Variants in KCNJ3 observed in about 807,000 individuals in gnomAD.
KCNJ3 encodes the protein potassium inwardly rectifying channel subfamily J member 3, also known as G protein-activated inward rectifier potassium channel 1.
In KCNJ3, 4 loss-of-function variants were observed where a neutral mutation model predicts 39.2. That is an observed-to-expected ratio of 0.10 (90% CI 0.05 to 0.23). The LOEUF is 0.23. KCNJ3 is among the 10% of genes least tolerant of loss of function. KCNJ3 has a pLI of 1.00. For synonymous variants in KCNJ3, 230 were observed against 237.4 expected (o/e 0.97, Z 0.29); for missense variants, 276 against 634.9 (o/e 0.43, Z 6.08).
chr2:154,747,375 A>T (rs1685766268), intron 2 of KCNJ3, among the ~76,000 whole-genome samples: 1 of 152,050 alleles, frequency 6.6e-6, no homozygotes, highest in Non-Finnish European at 1.5e-5. Context: ...TTTAATTAAC[A>T]TTCTACTTCA....
chr2:154,741,231 C>T (rs1685649637), intron 2 of KCNJ3, among the ~76,000 whole-genome samples: 1 of 151,886 alleles, frequency 6.6e-6, no homozygotes, highest in South Asian at 2.1e-4. Context: ...TTCAAAGTCA[C>T]ACAGCTAGTT....
At chr2:154,809,206 A>G (rs958874038) in intron 2 of KCNJ3, among the ~76,000 whole-genome samples, 2 of 152,170 alleles carry the variant, frequency 1.3e-5, no homozygotes, top group African/African-American at 4.8e-5. Flanking sequence ...TGCATAGCAG[A>G]GGAAAGGCAA....
chr2:154,761,850 C>T (rs984278589), intron 2 of KCNJ3, among the ~76,000 whole-genome samples: 4 of 152,050 alleles, frequency 2.6e-5, no homozygotes, highest in Non-Finnish European at 5.9e-5. Flanking sequence ...ATGTCCAGGT[C>T]GTAATCCTCA....
rs71422263 is a variant in KCNJ3 at position 154,821,635 on chromosome 2, A to ATT, written c.920-33069_920-33068dup. ...CAAAAAAAGAAAAAGAGAATATGTG[A>ATT]TTTTTTTTTTTTTTTTTTTTTTTTG... On this transcript the variant is annotated intron_variant, in intron 2 of 2. Coordinates refer to ENST00000295101, the MANE Select transcript of KCNJ3 (RefSeq NM_002239.4). Among the ~76,000 whole-genome samples, 167 of 88,058 alleles carry ATT rather than the reference A, an allele frequency of 1.9e-3. 8 individuals carry two copies. Among genetic ancestry groups the ATT allele is most frequent in the South Asian group, 9.1e-3 (20 of 2,186 alleles). 57.8% of individuals were successfully genotyped at this position (88,058 alleles called of 152,430 possible). A position where few individuals can be genotyped will look rare whatever the true frequency, so the allele number is the denominator to read the frequency against.
chr2:154,846,456 C>CATTTTGTAGTCACAAT (rs1202036102), intron 2 of KCNJ3, among the ~76,000 whole-genome samples: 1 of 152,016 alleles, frequency 6.6e-6, no homozygotes, highest in African/African-American at 2.4e-5. Context: ...TAGGTTATAT[C>CATTTTGTAGTCACAAT]ATTTGTAGTC....
chr2:154,757,992 G>A (rs964564862), intron 2 of KCNJ3, among the ~76,000 whole-genome samples: 14 of 152,130 alleles, frequency 9.2e-5, no homozygotes, highest in Non-Finnish European at 1.9e-4. Flanking sequence ...TATCATAGCA[G>A]ATGGCACTTA....
chr2:154,842,681 T>C (rs1322278977), intron 2 of KCNJ3, among the ~76,000 whole-genome samples: 1 of 152,226 alleles, frequency 6.6e-6, no homozygotes, highest in Non-Finnish European at 1.5e-5. Flanking sequence ...ATTGATTCCT[T>C]TACCATTATG....
chr2:154,730,300 G>T (rs1685428868), intron 2 of KCNJ3, among the ~76,000 whole-genome samples: 1 of 152,046 alleles, frequency 6.6e-6, no homozygotes, highest in African/African-American at 2.4e-5. Flanking sequence ...ACATATTTTT[G>T]ATTAAATTAA....
intron 2 of KCNJ3, among the ~76,000 whole-genome samples, chr2:154,714,325 C>T (rs1248078821): frequency 6.6e-6 from 1 of 151,512 alleles, no homozygotes; most frequent in African/African-American, 2.4e-5. Context: ...AGACACATTA[C>T]ATTTTCCCCG....
Position 154,708,937 on chromosome 2 carries a change from C to T in KCNJ3, c.703-666C>T, listed in dbSNP as rs116260524. On this transcript the variant is annotated intron_variant, in intron 1 of 2. Coordinates refer to ENST00000295101, the MANE Select transcript of KCNJ3 (RefSeq NM_002239.4). ...CACTGTTTTAAAACTCATGAAATGACAGAGAAGCAAATATTTATAATGCAG... is the reference window on the plus strand; with the variant it reads ...CACTGTTTTAAAACTCATGAAATGATAGAGAAGCAAATATTTATAATGCAG... Among the ~76,000 whole-genome samples the T allele has an allele frequency of 1.1e-3, 166 of 152,214 alleles. 1 individual carries two copies. The highest frequency in any genetic ancestry group is 3.8e-3 in the African/African-American group (157 of 41,540).
intron 2 of KCNJ3, among the ~76,000 whole-genome samples, chr2:154,841,327 A>T (rs1324507120): frequency 6.6e-6 from 1 of 152,116 alleles, no homozygotes; most frequent in African/African-American, 2.4e-5. Context: ...TGCTGGATTC[A>T]GTTTGCCAGT....
At chr2:154,841,364 G>A (rs907169217) in intron 2 of KCNJ3, among the ~76,000 whole-genome samples, 5 of 152,178 alleles carry the variant, frequency 3.3e-5, no homozygotes, top group East Asian at 3.8e-4. Context: ...TCACATCAAT[G>A]TTCATCAGGG....
chr2:154,763,676 T>C (rs1686083713), intron 2 of KCNJ3, among the ~76,000 whole-genome samples: 2 of 152,112 alleles, frequency 1.3e-5, no homozygotes, highest in Non-Finnish European at 2.9e-5. Context: ...AAGGGAAGTA[T>C]GATATGGTAG....
At chr2:154,734,839 T>C (rs73019285) in intron 2 of KCNJ3, among the ~76,000 whole-genome samples, 10,975 of 152,222 alleles carry the variant, frequency 0.072, 1,018 homozygotes, top group African/African-American at 0.21. Flanking sequence ...TGGGCAAAGA[T>C]ACTGTTCTAT....
intron 2 of KCNJ3, among the ~76,000 whole-genome samples, chr2:154,757,106 T>C (rs1271942575): frequency 1.3e-5 from 2 of 152,234 alleles, no homozygotes; most frequent in East Asian, 3.9e-4. Flanking sequence ...CACAGCAACA[T>C]GGATTTTTCA....
In KCNJ3 at chr2:154,856,043, AT is replaced by A. The variant is rs1429779533; in HGVS notation, c.*731del. ...TTGTGCTATCTATGGCCCTGCAAAA[AT>A]ATAACCATTACATGTTTAAATTGTA... On this transcript the variant is annotated 3_prime_UTR_variant, in exon 3 of 3. Transcript: ENST00000295101. 6.6e-6 allele frequency: 1 copy of A among 152,598 alleles called. No homozygotes were observed. Among genetic ancestry groups the A allele is most frequent in the Non-Finnish European group, 1.5e-5 (1 of 67,990 alleles). 9.5% of individuals were successfully genotyped at this position (152,598 alleles called of 1,614,324 possible). A position where few individuals can be genotyped will look rare whatever the true frequency, so the allele number is the denominator to read the frequency against.
At position 154,728,471 on chromosome 2, in the gene KCNJ3, A is replaced by G. The variant is rs186757991; in HGVS notation, c.919+18652A>G. Among the ~76,000 whole-genome samples, 280 of 152,334 alleles carry G rather than the reference A, an allele frequency of 1.8e-3. 2 individuals are homozygous for G. Among genetic ancestry groups the G allele is most frequent in the African/African-American group, 6.3e-3 (264 of 41,580 alleles). On this transcript the variant is annotated intron_variant, in intron 2 of 2. Coordinates refer to ENST00000295101, the MANE Select transcript of KCNJ3 (RefSeq NM_002239.4). ...ATTCTCAAAGTTTTGTGAAGTTACA[A>G]TAAACCTCTTCCCTATTAATATACT...
At chr2:154,764,238 T>A (rs886258305) in intron 2 of KCNJ3, among the ~76,000 whole-genome samples, 1 of 152,162 alleles carries the variant, frequency 6.6e-6, no homozygotes, top group African/African-American at 2.4e-5. Flanking sequence ...GGTGAAAATA[T>A]CTCTGATTAT....
intron 2 of KCNJ3, among the ~76,000 whole-genome samples, chr2:154,746,638 ATGTG>A (rs200439138): frequency 1.4e-5 from 2 of 144,176 alleles, no homozygotes; most frequent in African/African-American, 2.6e-5. Context: ...ATATGTATAT[ATGTG>A]TATATATATG....
Sources: allele counts gnomAD v4.1 joint callset (sites outside exome capture counted in the v4.1 genomes callset), GRCh38; gene constraint gnomAD v4.1.1; transcripts MANE v1.5; gene names NCBI Gene and HGNC (gene_info 2026-07-23, HGNC 2026-07-21).